Variants in RNF4 observed in about 807,000 individuals in gnomAD.
RNF4 encodes ring finger protein 4.
Under a neutral mutation model 24.3 loss-of-function variants are expected in RNF4, and 7 were observed. The ratio of observed to expected loss-of-function variants is 0.29; its 90% CI spans 0.16 to 0.54. The LOEUF is 0.54. Among genes scored for constraint, RNF4 ranks in the 20% least tolerant of loss-of-function variants. The probability of loss-of-function intolerance (pLI) is 0.95; values close to 1 mark genes in which losing one functional copy is unlikely to be tolerated. For missense variants in RNF4, 209 were observed against 248.5 expected, an observed-to-expected ratio of 0.84 and a Z score of 1.07; for synonymous variants, 83 against 84.3, an observed-to-expected ratio of 0.98 and a Z score of 0.09.
At chr4:2,496,543 C>T (rs1261627544) in intron 2 of RNF4, among the ~76,000 whole-genome samples, 1 of 152,144 alleles carries the variant, frequency 6.6e-6, no homozygotes, top group Non-Finnish European at 1.5e-5. Flanking sequence ...TCACTGCAAC[C>T]TCTGCCTCCC....
chr4:2,500,750 A>G lies in RNF4; in HGVS notation c.204+12A>G. The G allele has an allele frequency of 6.2e-7, 1 of 1,613,226 alleles. No individual in the cohort carries two copies. Among genetic ancestry groups the G allele is most frequent in the Non-Finnish European group, 8.5e-7 (1 of 1,179,496 alleles). On this transcript the variant is annotated intron_variant, in intron 4 of 7. Transcript: ENST00000314289. ...ATGACTCTGTTGTGGTAAGTGTTGGAGTGTGAGAGTCGGCTGTTTCTTGGG... is the reference window on the plus strand; with the variant it reads ...ATGACTCTGTTGTGGTAAGTGTTGGGGTGTGAGAGTCGGCTGTTTCTTGGG...
Position 2,512,364 on chromosome 4 carries a change from G to A in RNF4, c.215-74G>A. The A allele has an allele frequency of 5.3e-6, 8 of 1,514,480 alleles. No individual in the cohort carries two copies. The highest frequency in any genetic ancestry group is 7.2e-6 in the Non-Finnish European group (8 of 1,113,456). 93.8% of individuals were successfully genotyped at this position (1,514,480 alleles called of 1,614,324 possible). ...GCAGGGAAGGAAGAGGGTCTTAAGA[G>A]GCGTCAGGATGGGAGTGGTGAGGAT... On this transcript the variant is annotated intron_variant, in intron 5 of 7. Coordinates refer to ENST00000314289, the MANE Select transcript of RNF4 (RefSeq NM_002938.5). The surrounding 1 kb of genome is among the most constrained non-coding windows in gnomAD (Gnocchi z 4.1).
At chr4:2,492,682 C>G (rs1186362944) in intron 2 of RNF4, among the ~76,000 whole-genome samples, 1 of 152,122 alleles carries the variant, frequency 6.6e-6, no homozygotes, top group Non-Finnish European at 1.5e-5. Context: ...ACCCTCTGAG[C>G]CTTTTGGGTC....
intron 1 of RNF4, among the ~76,000 whole-genome samples, chr4:2,475,663 T>C (rs1047960986): frequency 6.6e-6 from 1 of 152,108 alleles, no homozygotes; most frequent in Admixed American, 6.6e-5. Flanking sequence ...TTTAACAAAG[T>C]TTTGTAGACT....
intron 1 of RNF4, among the ~76,000 whole-genome samples, chr4:2,477,177 CCAAATCT>C (rs1257292878): frequency 7.9e-5 from 12 of 152,286 alleles, no homozygotes; most frequent in Middle Eastern, 3.4e-3. Flanking sequence ...GTGTCCCCAC[CCAAATCT>C]CACATTGAAT....
In RNF4 at chr4:2,490,463, CT is replaced by C. The variant is rs772938681; in HGVS notation, c.-30del. On this transcript the variant is annotated 5_prime_UTR_variant, in exon 2 of 8. Coordinates refer to ENST00000314289, the MANE Select transcript of RNF4 (RefSeq NM_002938.5). ...ACCTTGGTATAGATCACTTCCTTTT[CT>C]GTAGGAAAGGAAAGGCACCAAAGAG... 6.2e-7 allele frequency: 1 copy of C among 1,611,126 alleles called. No individual in the cohort carries two copies. The highest frequency in any genetic ancestry group is 1.1e-5 in the South Asian group (1 of 90,604).
chr4:2,513,686 G>A lies in RNF4; in HGVS notation c.440G>A (p.Arg147His). The change falls in exon 8 of 8, where the codon CGT (arginine) becomes CAT (histidine). Residue 147 changes from arginine (R) to histidine (H), a missense_variant. Arg to His is a conservative substitution (Grantham distance 29). Transcript: ENST00000314289. Reference protein sequence around the residue: ...DGYSEIVQNGRLIVSTECGHV... With the variant: ...DGYSEIVQNGHLIVSTECGHV... The stretch of plus-strand genomic sequence containing the variant: ...GCCTTCTAGATCGTGCAGAATGGAC[G>A]TCTCATCGTTTCCACAGAATGCGGC... 9 of 1,613,922 alleles carry A rather than the reference G, an allele frequency of 5.6e-6. No homozygotes were observed. The highest frequency in any genetic ancestry group is 1.7e-4 in the Middle Eastern group (1 of 6,032).
chr4:2,487,060 C>G (rs1159731484), intron 1 of RNF4, among the ~76,000 whole-genome samples: 2 of 152,150 alleles, frequency 1.3e-5, no homozygotes, highest in Admixed American at 1.3e-4. Flanking sequence ...CTAGACAAGT[C>G]TTTTCCTAGC....
At chr4:2,497,163 GGA>G (rs1450070294) in intron 3 of RNF4, 42 bp downstream of exon 3, 26 of 1,470,610 alleles carry the variant, frequency 1.8e-5, no homozygotes, top group East Asian at 2.4e-5. Flanking sequence ...GTGTTAAAGT[GGA>G]GAGAGAACAC....
intron 1 of RNF4, among the ~76,000 whole-genome samples, chr4:2,477,444 A>C (rs1327167132): frequency 1.3e-5 from 2 of 152,106 alleles, no homozygotes; most frequent in East Asian, 3.9e-4. Flanking sequence ...AATTAGCTGG[A>C]CATGGTGGTA....
At chr4:2,501,453 T>C (rs747247032) in intron 4 of RNF4, among the ~76,000 whole-genome samples, 2 of 151,280 alleles carry the variant, frequency 1.3e-5, no homozygotes, top group Admixed American at 6.6e-5. Context: ...TGTCCCTGTC[T>C]CATGGCACCG....
intron 2 of RNF4, among the ~76,000 whole-genome samples, chr4:2,496,693 T>G (rs147702937): frequency 1.2e-3 from 186 of 152,132 alleles, no homozygotes; most frequent in African/African-American, 4.3e-3. Context: ...ACTCCTCACC[T>G]CATGATTCGC....
Position 2,512,236 on chromosome 4 carries a change from T to TG in RNF4, c.215-196dup. 1 of 683,528 alleles carries TG rather than the reference T, an allele frequency of 1.5e-6. No individual in the cohort carries two copies. The allele number at this position is 683,528 out of a possible 1,614,324, so 42.3% of individuals were successfully genotyped here. A position where few individuals can be genotyped will look rare whatever the true frequency, so the allele number is the denominator to read the frequency against. ...AAGGCTGGTAGCTCACAGCAGGGGT[T>TG]GGGGGGTTTCTCCTGGGAAGATAAG... On this transcript the variant is annotated intron_variant, in intron 5 of 7. Coordinates refer to ENST00000314289, the MANE Select transcript of RNF4 (RefSeq NM_002938.5). This position sits in a 1 kb window ranked among gnomAD's most constrained non-coding sequence, Gnocchi z 4.1.
At chr4:2,504,697 G>A (rs745571100) in intron 4 of RNF4, among the ~76,000 whole-genome samples, 59 of 145,982 alleles carry the variant, frequency 4.0e-4, no homozygotes, top group Non-Finnish European at 7.4e-4. Context: ...ACTACAGGCA[G>A]CCGCCACCAT....
At chr4:2,497,868 T>C (rs1735785056) in intron 3 of RNF4, among the ~76,000 whole-genome samples, 3 of 152,132 alleles carry the variant, frequency 2.0e-5, no homozygotes, top group Admixed American at 2.0e-4. Flanking sequence ...TCTCCTGACC[T>C]TGTGATCCAC....
chr4:2,479,587 G>GT (rs1735187257), intron 1 of RNF4, among the ~76,000 whole-genome samples: 2 of 152,140 alleles, frequency 1.3e-5, no homozygotes, highest in African/African-American at 4.8e-5. Context: ...CGCCATCCAC[G>GT]TAAGACGGGA....
At chr4:2,499,783 G>GC (rs1205328842) in intron 3 of RNF4, among the ~76,000 whole-genome samples, 1 of 152,178 alleles carries the variant, frequency 6.6e-6, no homozygotes, top group Admixed American at 6.5e-5. Context: ...TTTGTATGTT[G>GC]AGGTTCTAGC....
At chr4:2,487,233 A>C (rs994572910) in intron 1 of RNF4, among the ~76,000 whole-genome samples, 1 of 152,074 alleles carries the variant, frequency 6.6e-6, no homozygotes, top group Non-Finnish European at 1.5e-5. Context: ...CAGCCCCTGG[A>C]GTAGCTGGGA....
chr4:2,515,091 C>T lies in RNF4; in HGVS notation c.*1272C>T, dbSNP rs1478303061. The T allele has an allele frequency of 2.0e-5, 3 of 152,606 alleles. No individual in the cohort carries two copies. Among genetic ancestry groups the T allele is most frequent in the Non-Finnish European group, 2.9e-5 (2 of 68,052 alleles). 9.5% of individuals were successfully genotyped at this position (152,606 alleles called of 1,614,324 possible). A position where few individuals can be genotyped will look rare whatever the true frequency, so the allele number is the denominator to read the frequency against. On this transcript the variant is annotated 3_prime_UTR_variant, in exon 8 of 8. Transcript: ENST00000314289. ...GCTAACGAGAGAGGCCTTACAGTGC[C>T]GGCATGCCTCCTCTTCCACTGTCGT...
Sources: allele counts gnomAD v4.1 joint callset (sites outside exome capture counted in the v4.1 genomes callset), GRCh38; gene constraint gnomAD v4.1.1; non-coding constraint Gnocchi (gnomAD v3.1); transcripts MANE v1.5; gene names NCBI Gene and HGNC (gene_info 2026-07-23, HGNC 2026-07-21).